Variants in HACE1 observed in about 807,000 individuals in gnomAD.
The protein encoded by HACE1 is HECT domain and ankyrin repeat containing E3 ubiquitin protein ligase 1.
HACE1 carries 73 observed loss-of-function variants against 118.4 expected under a neutral mutation model. The observed-to-expected ratio is 0.62, with a 90% CI of 0.51 to 0.75. The LOEUF is 0.75. Ranked by LOEUF, HACE1 falls within the 30% of genes least tolerant of loss-of-function variation. HACE1 has a pLI of 0.00. For synonymous variants in HACE1, 368 were observed against 374.8 expected, an observed-to-expected ratio of 0.98 and a Z score of 0.21; for missense variants, 749 against 1,102.2, an observed-to-expected ratio of 0.68 and a Z score of 4.54.
intron 22 of HACE1, among the ~76,000 whole-genome samples, chr6:104,743,416 A>T (rs1777050630): frequency 6.6e-6 from 1 of 152,030 alleles, no homozygotes; most frequent in Non-Finnish European, 1.5e-5. Context: ...TAAATTGTTT[A>T]TAGTGGTTAT....
intron 11 of HACE1, among the ~76,000 whole-genome samples, chr6:104,790,584 C>T (rs996716315): frequency 1.3e-5 from 2 of 152,098 alleles, no homozygotes; most frequent in South Asian, 4.1e-4. Context: ...AAAGCCCCAT[C>T]TCTAACAAAA....
At chr6:104,766,051 T>G (rs896945500) in intron 19 of HACE1, among the ~76,000 whole-genome samples, 6 of 152,298 alleles carry the variant, frequency 3.9e-5, no homozygotes, top group Non-Finnish European at 8.8e-5. Flanking sequence ...GCAGGCCTTT[T>G]TGACATTCCC....
chr6:104,734,142 CAAAAAA>C (rs11370746), intron 22 of HACE1, among the ~76,000 whole-genome samples: 2 of 87,172 alleles, frequency 2.3e-5, no homozygotes, highest in African/African-American at 8.2e-5. Flanking sequence ...GACTCTTCCT[CAAAAAA>C]AAAAAAAAAA....
In HACE1 at chr6:104,807,684, G is replaced by A. The variant is rs150685825; in HGVS notation, c.617+3627C>T. The stretch of plus-strand genomic sequence containing the variant: ...TAGAAGTCATATAAAAGACTTAAAG[G>A]TGTGTAAAGATGGCAGGGGGAAAAA... On this transcript the variant is annotated intron_variant, in intron 7 of 23. Coordinates refer to ENST00000262903, the MANE Select transcript of HACE1 (RefSeq NM_020771.4). Among the ~76,000 whole-genome samples the A allele has an allele frequency of 3.9e-5, 6 of 152,092 alleles. No homozygotes were observed. In the East Asian group the frequency reaches 1.2e-3, roughly 29 times the overall value.
At chr6:104,853,493 T>C (rs1776438216) in intron 1 of HACE1, among the ~76,000 whole-genome samples, 1 of 152,172 alleles carries the variant, frequency 6.6e-6, no homozygotes, top group South Asian at 2.1e-4. Flanking sequence ...AGGTTTATGT[T>C]TTTTAATAAA....
chr6:104,792,563 CAA>C (rs140502708), intron 10 of HACE1, among the ~76,000 whole-genome samples: 1,622 of 152,238 alleles, frequency 0.011, 17 homozygotes, highest in Non-Finnish European at 0.019. Context: ...CGGAGCAAAG[CAA>C]AGAGTTGCAT....
intron 1 of HACE1, among the ~76,000 whole-genome samples, chr6:104,857,862 CAGG>C (rs1776890814): frequency 6.7e-6 from 1 of 149,466 alleles, no homozygotes; most frequent in Non-Finnish European, 1.5e-5. Context: ...AAGGCTGAGG[CAGG>C]AGAATAGCGT....
At chr6:104,771,676 C>A (rs2034822) in intron 18 of HACE1, among the ~76,000 whole-genome samples, 1 of 133,264 alleles carries the variant, frequency 7.5e-6, no homozygotes, top group African/African-American at 2.8e-5. Flanking sequence ...GAAATGTATT[C>A]TTAGCATAAA....
intron 17 of HACE1, among the ~76,000 whole-genome samples, chr6:104,775,580 T>G (rs979226461): frequency 2.9e-4 from 44 of 152,234 alleles, no homozygotes; most frequent in Non-Finnish European, 6.3e-4. Context: ...AGATCTAGCT[T>G]CAAAGATTAG....
intron 19 of HACE1, among the ~76,000 whole-genome samples, chr6:104,752,994 A>G (rs1177420160): frequency 6.6e-6 from 1 of 152,216 alleles, no homozygotes; most frequent in Non-Finnish European, 1.5e-5. Flanking sequence ...TTTCAGTAAT[A>G]TAAGAGTTTT....
intron 6 of HACE1, 26 bp from the exon 7 acceptor site, chr6:104,811,419 TA>T: frequency 9.1e-7 from 1 of 1,095,912 alleles, no homozygotes; most frequent in Non-Finnish European, 1.4e-6. Context: ...TAATTAAAAG[TA>T]AAGCCAGAGG....
Position 104,859,549 on chromosome 6 carries a change from C to A in HACE1, c.76+18G>T, listed in dbSNP as rs756300692. 1.3e-6 allele frequency: 2 copies of A among 1,509,610 alleles called. No homozygotes were observed. Among genetic ancestry groups the A allele is most frequent in the Admixed American group, 2.1e-5 (1 of 47,938 alleles). 93.5% of individuals were successfully genotyped at this position (1,509,610 alleles called of 1,614,324 possible). ...GCCCCCAGCCCCGCGGCCAGCCTGG[C>A]CCCGCGACCCGGCTCACCCTCGGGC... On this transcript the variant is annotated intron_variant, in intron 1 of 23. Coordinates refer to ENST00000262903, the MANE Select transcript of HACE1 (RefSeq NM_020771.4).
intron 20 of HACE1, among the ~76,000 whole-genome samples, chr6:104,747,728 A>G (rs1777585277): frequency 6.6e-6 from 1 of 152,170 alleles, no homozygotes; most frequent in African/African-American, 2.4e-5. Flanking sequence ...AATGGGGACA[A>G]TAGTACTCAC....
At chr6:104,806,948 G>A (rs561780872) in intron 7 of HACE1, among the ~76,000 whole-genome samples, 24 of 151,686 alleles carry the variant, frequency 1.6e-4, no homozygotes, top group East Asian at 3.9e-4. Flanking sequence ...TGGGAATGGC[G>A]TATGAAACAG....
chr6:104,851,185 G>C (rs990488772), intron 2 of HACE1, among the ~76,000 whole-genome samples, 189 bp from the exon 3 acceptor site: 1 of 152,184 alleles, frequency 6.6e-6, no homozygotes, highest in African/African-American at 2.4e-5. Context: ...CCTGGTTCAA[G>C]CAATTCTCCT....
chr6:104,743,412 G>T (rs1431467144), intron 22 of HACE1, among the ~76,000 whole-genome samples: 3 of 151,648 alleles, frequency 2.0e-5, no homozygotes, highest in African/African-American at 4.8e-5. Flanking sequence ...ATATTAAATT[G>T]TTTATAGTGG....
chr6:104,834,944 T>C (rs1293697209), intron 5 of HACE1, among the ~76,000 whole-genome samples: 8 of 152,154 alleles, frequency 5.3e-5, no homozygotes, highest in African/African-American at 1.9e-4. Flanking sequence ...TTGAAAACAG[T>C]CTCTAGATAA....
chr6:104,745,892 C>G (rs1582634450), intron 20 of HACE1, among the ~76,000 whole-genome samples: 2 of 152,170 alleles, frequency 1.3e-5, no homozygotes, highest in Non-Finnish European at 2.9e-5. Context: ...GAGATCTACT[C>G]AGTGGGTCCA....
chr6:104,840,552 G>C (rs565187967), intron 5 of HACE1, among the ~76,000 whole-genome samples: 5 of 152,220 alleles, frequency 3.3e-5, no homozygotes, highest in East Asian at 1.9e-4. Context: ...AGAGAGGCCC[G>C]TCGCGGTGGC....
Sources: allele counts gnomAD v4.1 joint callset (sites outside exome capture counted in the v4.1 genomes callset), GRCh38; gene constraint gnomAD v4.1.1; transcripts MANE v1.5; gene names NCBI Gene and HGNC (gene_info 2026-07-23, HGNC 2026-07-21).